ICE1: variants seen among roughly 807,000 people sequenced by gnomAD.
ICE1 encodes little elongation complex subunit 1.
In ICE1, 64 loss-of-function variants were observed where a neutral mutation model predicts 192.7. That is an observed-to-expected ratio of 0.33 (90% CI 0.27 to 0.41). The LOEUF is 0.41. Among genes scored for constraint, ICE1 ranks in the 10% least tolerant of loss-of-function variants. The pLI is 1.00. For missense variants in ICE1, 2,708 were observed against 2,696.0 expected, an observed-to-expected ratio of 1.00 and a Z score of -0.10; for synonymous variants, 1,010 against 984.5, an observed-to-expected ratio of 1.03 and a Z score of -0.49.
rs772087747 is a variant in ICE1, at chr5:5,463,963, C to T, written c.4629C>T (p.Asn1543=). Residue 1543 remains asparagine (N), a synonymous_variant, in exon 13 of 19, where the codon AAC becomes AAT. Transcript: ENST00000296564. ...TTGCGTCTGATCACACATATTATAACTCAAAACTAGAGCCATCTGGCAAAA... is the reference window on the plus strand; with the variant it reads ...TTGCGTCTGATCACACATATTATAATTCAAAACTAGAGCCATCTGGCAAAA... ...QIVASDHTYY[N]SKLEPSGKNK... is the part of the protein sequence containing the mutation. The T allele has an allele frequency of 3.7e-6, 6 of 1,613,886 alleles. 1 individual carries two copies. In the South Asian group the frequency reaches 5.5e-5, roughly 15 times the overall value.
chr5:5,482,181 A>C (rs1257454420), intron 17 of ICE1, among the ~76,000 whole-genome samples: 1 of 152,220 alleles, frequency 6.6e-6, no homozygotes, highest in Non-Finnish European at 1.5e-5. Flanking sequence ...ATTTTGTTCA[A>C]ATCAAGTCTA....
chr5:5,475,835 A>G (rs1561098106), intron 16 of ICE1, 138 bp from the exon 17 acceptor site: 3 of 634,256 alleles, frequency 4.7e-6, no homozygotes, highest in South Asian at 3.7e-5. Flanking sequence ...AGCATCCAGT[A>G]TCTGTTCTCA....
At chr5:5,456,021 TG>T (rs1738571827) in intron 11 of ICE1, among the ~76,000 whole-genome samples, 1 of 152,202 alleles carries the variant, frequency 6.6e-6, no homozygotes, top group Non-Finnish European at 1.5e-5. Context: ...AGAATAATTT[TG>T]TAGAAAGCCC....
At chr5:5,485,794 A>T (rs1739624518) in intron 17 of ICE1, among the ~76,000 whole-genome samples, 1 of 152,246 alleles carries the variant, frequency 6.6e-6, no homozygotes, top group Non-Finnish European at 1.5e-5. Context: ...AAAGTCTTAA[A>T]TATTGTAAAG....
chr5:5,489,549 G>T lies in ICE1; in HGVS notation c.*219G>T. On this transcript the variant is annotated 3_prime_UTR_variant, in exon 19 of 19. Transcript: ENST00000296564. ...CTAATACGTTTCACTTAAGGCTGTT[G>T]TGATCTGTGACATATGGGTTATATT... The T allele has an allele frequency of 2.3e-6, 1 of 443,770 alleles. No homozygotes were observed. Among genetic ancestry groups the T allele is most frequent in the South Asian group, 5.2e-5 (1 of 19,200 alleles). The allele number at this position is 443,770 out of a possible 1,614,324, so 27.5% of individuals were successfully genotyped here.
chr5:5,446,560 A>C (rs982258860), intron 7 of ICE1, among the ~76,000 whole-genome samples: 3 of 152,226 alleles, frequency 2.0e-5, no homozygotes, highest in African/African-American at 7.2e-5. Context: ...TGCTGGGATC[A>C]CAGTCGTGAG....
chr5:5,474,617 G>A (rs1157932858), intron 16 of ICE1, among the ~76,000 whole-genome samples: 1 of 152,150 alleles, frequency 6.6e-6, no homozygotes. Flanking sequence ...CACTAGCTTT[G>A]TACCATCTCT....
chr5:5,454,088 A>T (rs1182059556), intron 10 of ICE1, among the ~76,000 whole-genome samples: 2 of 152,090 alleles, frequency 1.3e-5, no homozygotes, highest in African/African-American at 4.8e-5. Context: ...AAGTCTAGTG[A>T]CTTTTCTGAT....
intron 17 of ICE1, 68 bp downstream of exon 17, chr5:5,476,147 A>G (rs1160941530): frequency 2.5e-6 from 2 of 814,676 alleles, no homozygotes; most frequent in Admixed American, 3.4e-5. Flanking sequence ...TGGGGGGTTA[A>G]CTGTATAATA....
At chr5:5,424,411 T>G (rs1737456398) in intron 1 of ICE1, among the ~76,000 whole-genome samples, 1 of 151,874 alleles carries the variant, frequency 6.6e-6, no homozygotes, top group Non-Finnish European at 1.5e-5. Flanking sequence ...GGAACGTGAT[T>G]GGAGTTCTCC....
Position 5,464,344 on chromosome 5 carries a change from TC to T in ICE1, c.5013del (p.Phe1672SerfsTer38). The T allele has an allele frequency of 6.2e-7, 1 of 1,613,760 alleles. No homozygotes were observed. The highest frequency in any genetic ancestry group is 8.5e-7 in the Non-Finnish European group (1 of 1,179,862). On this transcript the variant is annotated frameshift_variant, in exon 13 of 19. Coordinates refer to ENST00000296564, the MANE Select transcript of ICE1 (RefSeq NM_015325.3). LOFTEE classifies it high-confidence loss of function. The surrounding 1 kb of genome is among the most constrained non-coding windows in gnomAD (Gnocchi z 4.0). ...SPASPVGQVSPFRETPVPPAM... is the reference protein window; with the variant it reads ...SPASPVGQVSXFRETPVPPAM... ...CAGCCTCTCCTGTTGGCCAGGTTTC[TC>T]CCTTCCGTGAAACCCCAGTGCCTCC...
rs61736161 is a variant in ICE1, at chr5:5,463,379, C to T, written c.4045C>T (p.Arg1349Cys). 2.6e-3 allele frequency: 4,265 copies of T among 1,613,756 alleles called. 82 individuals are homozygous for T. The African/African-American group carries it at 0.05, about 19-fold the overall frequency. Residue 1349 changes from arginine to cysteine, a missense_variant, in exon 13 of 19, where the codon CGT becomes TGT. Arg to Cys is a radical substitution (Grantham distance 180). Around this residue, in one of 2 missense-constraint regions of ICE1, gnomAD observed 2,366 missense variants for 2,276.6 expected, o/e 1.04. Coordinates refer to ENST00000296564, the MANE Select transcript of ICE1 (RefSeq NM_015325.3). ...NENPQSRPEA[R>C]SDAGRQTDGG... ...AAACCCTCAGAGCAGACCAGAGGCCCGTTCAGATGCAGGCAGGCAAACCGA... is the reference window on the plus strand; with the variant it reads ...AAACCCTCAGAGCAGACCAGAGGCCTGTTCAGATGCAGGCAGGCAAACCGA...
At chr5:5,466,681 A>G (rs1290130959) in intron 14 of ICE1, among the ~76,000 whole-genome samples, 179 bp downstream of exon 14, 1 of 152,206 alleles carries the variant, frequency 6.6e-6, no homozygotes, top group East Asian at 1.9e-4. Context: ...GCTTACTTAT[A>G]TCAGCACTAT....
At chr5:5,432,270 T>C (rs1245943932) in intron 1 of ICE1, among the ~76,000 whole-genome samples, 1 of 152,222 alleles carries the variant, frequency 6.6e-6, no homozygotes, top group Non-Finnish European at 1.5e-5. Flanking sequence ...TTCATATGAA[T>C]GGACTCTAGA....
intron 12 of ICE1, among the ~76,000 whole-genome samples, chr5:5,459,991 C>T (rs1185967774): frequency 1.3e-5 from 2 of 152,012 alleles, no homozygotes; most frequent in African/African-American, 4.8e-5. Flanking sequence ...CAGCGTCCCT[C>T]CCCCCCTGCA....
intron 5 of ICE1, 86 bp from the exon 6 acceptor site, chr5:5,443,082 A>G (rs2111350122): frequency 2.8e-6 from 2 of 706,162 alleles, no homozygotes; most frequent in Non-Finnish European, 4.7e-6. Flanking sequence ...TTATTTGGTT[A>G]ATAGCTTATC....
chr5:5,452,358 T>A (rs753850740), intron 10 of ICE1, among the ~76,000 whole-genome samples: 1 of 152,030 alleles, frequency 6.6e-6, no homozygotes, highest in African/African-American at 2.4e-5. Flanking sequence ...TGCTGGCATA[T>A]ACAATGAACA....
In ICE1 at chr5:5,464,314, C is replaced by T; in HGVS notation, c.4980C>T (p.Ser1660=). 1.2e-6 allele frequency: 2 copies of T among 1,613,668 alleles called. No individual in the cohort carries two copies. The highest frequency in any genetic ancestry group is 1.7e-6 in the Non-Finnish European group (2 of 1,179,842). Residue 1660 remains serine (S), a synonymous_variant, in exon 13 of 19, where the codon TCC becomes TCT. Coordinates refer to ENST00000296564, the MANE Select transcript of ICE1 (RefSeq NM_015325.3). This position sits in a 1 kb window ranked among gnomAD's most constrained non-coding sequence, Gnocchi z 4.0. ...LSPLISSSSP[S]SPASPVGQVS... ...CACTGATATCGAGTTCTAGTCCTTC[C>T]TCACCAGCCTCTCCTGTTGGCCAGG...
intron 17 of ICE1, among the ~76,000 whole-genome samples, chr5:5,483,358 A>G (rs942188847): frequency 6.6e-6 from 1 of 152,180 alleles, no homozygotes; most frequent in Non-Finnish European, 1.5e-5. Context: ...TGGACAGTAA[A>G]ACAAGCTTTA....
Sources: allele counts gnomAD v4.1 joint callset (sites outside exome capture counted in the v4.1 genomes callset), GRCh38; gene constraint gnomAD v4.1.1; regional missense constraint gnomAD v4.1.1; non-coding constraint Gnocchi (gnomAD v3.1); transcripts MANE v1.5; gene names NCBI Gene and HGNC (gene_info 2026-07-23, HGNC 2026-07-21).